The following DCAF8L2 variants were observed in gnomAD, a reference collection of about 807,000 sequenced individuals.
DCAF8L2 encodes the protein DDB1- and CUL4-associated factor 8-like protein 2.
For synonymous variants in DCAF8L2, 200 were observed against 190.9 expected (o/e 1.05, Z -0.39); for missense variants, 430 against 490.7 (o/e 0.88, Z 1.17).
At chrX:27,632,397 G>A (rs752988575) in intron 2 of DCAF8L2, 1 of 111,115 alleles carries the variant, frequency 9.0e-6, no homozygotes, top group South Asian at 3.8e-4. Context: ...CCCTCCAGCA[G>A]CTCCATTTTA....
chrX:27,493,049 T>C, the DCAF8L2 span, among the ~76,000 whole-genome samples: 6 of 110,475 alleles, frequency 5.4e-5, no homozygotes, highest in Non-Finnish European at 9.5e-5. Context: ...CTGGGAAACA[T>C]AGTGAAACCC....
chrX:27,550,030 A>G, the DCAF8L2 span, among the ~76,000 whole-genome samples: 2 of 111,785 alleles, frequency 1.8e-5, no homozygotes, highest in Non-Finnish European at 3.8e-5. Context: ...TTTCTCTCCA[A>G]TGCTGATGCC....
the DCAF8L2 span, among the ~76,000 whole-genome samples, chrX:27,473,650 AT>A: frequency 1.3e-3 from 141 of 106,443 alleles, no homozygotes; most frequent in Middle Eastern, 4.9e-3. Flanking sequence ...TTGGGGTTGC[AT>A]TTTTTTTTTA....
Position 27,626,614 on chromosome X carries a change from T to A in DCAF8L2, c.-341-5265T>A, listed in dbSNP as rs73530633. ...CCTAAAGTATCTAAACAGACTCATG[T>A]TAAAATAATTAATTTGATATGTAAT... On this transcript the variant is annotated intron_variant, in intron 1 of 4. Transcript: ENST00000451261. 7.4e-3 allele frequency among the ~76,000 whole-genome samples: 829 copies of A among 112,290 alleles called. 2 individuals carry two copies. The highest frequency in any genetic ancestry group is 0.025 in the African/African-American group (775 of 30,920).
rs373578221 is a variant in DCAF8L2 at position 27,609,141 on chromosome X, A to G, written c.-342+18701A>G. 8.9e-5 allele frequency among the ~76,000 whole-genome samples: 10 copies of G among 111,914 alleles called. No individual in the cohort carries two copies. The East Asian group carries it at 2.8e-3, about 32-fold the overall frequency. ...ATCCATTATCTTGTATCTTTTTCAC[A>G]AGGGCCTTATCTCTATTTTACAGAT... On this transcript the variant is annotated intron_variant, in intron 1 of 4. Coordinates refer to ENST00000451261, the MANE Select transcript of DCAF8L2 (RefSeq NM_001353450.2).
intron 1 of DCAF8L2, among the ~76,000 whole-genome samples, chrX:27,616,834 C>T (rs1168979063): frequency 3.6e-5 from 4 of 110,978 alleles, no homozygotes; most frequent in Non-Finnish European, 7.6e-5. Context: ...TCTTGTTGCC[C>T]AGAAAGTAGA....
chrX:27,551,089 C>T, the DCAF8L2 span, among the ~76,000 whole-genome samples: 1 of 109,716 alleles, frequency 9.1e-6, no homozygotes, highest in Non-Finnish European at 1.9e-5. Context: ...AACTGCTCCA[C>T]TGACCCCCTG....
At chrX:27,725,694 T>C (rs1317685956) in intron 4 of DCAF8L2, among the ~76,000 whole-genome samples, 1 of 106,474 alleles carries the variant, frequency 9.4e-6, no homozygotes, top group Admixed American at 1.0e-4. Context: ...GAGGATAGTG[T>C]TACAAGTAGA....
chrX:27,747,281 AAGAG>A lies in DCAF8L2; in HGVS notation c.387_390del (p.Glu130ArgfsTer35). The A allele has an allele frequency of 2.9e-6, 3 of 1,036,535 alleles. No homozygotes were observed. Among genetic ancestry groups the A allele is most frequent in the Non-Finnish European group, 3.8e-6 (3 of 791,667 alleles). 85.4% of individuals were successfully genotyped at this position (1,036,535 alleles called of 1,213,427 possible). On this transcript the variant is annotated frameshift_variant, in exon 5 of 5. Transcript: ENST00000451261. LOFTEE classifies it low-confidence loss of function (END_TRUNC). ...CAAGAGGAGGGAGGGGAGGAGGAGGAAGAGGAGGAGGAGGAGGAGGAGGAGGAGG... is the reference window on the plus strand; with the variant it reads ...CAAGAGGAGGGAGGGGAGGAGGAGGAGAGGAGGAGGAGGAGGAGGAGGAGG...
chrX:27,734,518 T>C (rs921991921), intron 4 of DCAF8L2, among the ~76,000 whole-genome samples: 2 of 111,961 alleles, frequency 1.8e-5, no homozygotes, highest in Non-Finnish European at 3.8e-5. Flanking sequence ...AAAGACAGAA[T>C]TTCCAAAACA....
At chrX:27,724,043 C>CACT (rs1184927822) in intron 4 of DCAF8L2, among the ~76,000 whole-genome samples, 3 of 109,888 alleles carry the variant, frequency 2.7e-5, no homozygotes, top group African/African-American at 9.9e-5. Flanking sequence ...TTGTATTAAA[C>CACT]ACTAGGAGGA....
intron 2 of DCAF8L2, among the ~76,000 whole-genome samples, chrX:27,656,606 T>C (rs1017575513): frequency 2.7e-5 from 3 of 112,025 alleles, no homozygotes; most frequent in African/African-American, 9.7e-5. Flanking sequence ...TTTTTCAGTC[T>C]GTGGGAGCTA....
chrX:27,723,979 CT>C (rs767492295), intron 4 of DCAF8L2, among the ~76,000 whole-genome samples: 1 of 109,908 alleles, frequency 9.1e-6, no homozygotes, highest in East Asian at 2.8e-4. Context: ...GGTGTGCTAC[CT>C]TTTTTTTCCT....
At chrX:27,658,296 A>C (rs2147208813) in intron 2 of DCAF8L2, among the ~76,000 whole-genome samples, 1 of 112,163 alleles carries the variant, frequency 8.9e-6, no homozygotes, top group Admixed American at 9.5e-5. Flanking sequence ...GGGCAAAATT[A>C]AATATGATAG....
chrX:27,737,959 C>T (rs1334436208), intron 4 of DCAF8L2, among the ~76,000 whole-genome samples: 1 of 111,491 alleles, frequency 9.0e-6, no homozygotes, highest in Non-Finnish European at 1.9e-5. Context: ...GCAGAAAACA[C>T]GACAAGCCCA....
chrX:27,571,906 C>T, the DCAF8L2 span, among the ~76,000 whole-genome samples: 2 of 111,185 alleles, frequency 1.8e-5, no homozygotes. Flanking sequence ...TCCACACACC[C>T]GCTAAATAAG....
intron 2 of DCAF8L2, among the ~76,000 whole-genome samples, chrX:27,669,472 A>ATTTATTTT (rs1283058126): frequency 9.4e-4 from 102 of 108,639 alleles, no homozygotes; most frequent in African/African-American, 2.9e-3. Flanking sequence ...TTATTTATTT[A>ATTTATTTT]TTTATTTTTT....
intron 2 of DCAF8L2, among the ~76,000 whole-genome samples, chrX:27,634,245 T>C (rs895516333): frequency 1.8e-5 from 2 of 111,880 alleles, no homozygotes; most frequent in African/African-American, 6.5e-5. Context: ...CATAATAAAT[T>C]ACTTGTAAGT....
chrX:27,511,908 C>G, the DCAF8L2 span, among the ~76,000 whole-genome samples: 1 of 111,392 alleles, frequency 9.0e-6, no homozygotes, highest in Non-Finnish European at 1.9e-5. Flanking sequence ...ATTCCATTTA[C>G]AATAGCAACA....
Sources: gnomAD v4.1 joint callset for allele counts (sites outside exome capture counted in the v4.1 genomes callset) on GRCh38, gnomAD v4.1.1 for gene constraint, MANE v1.5 for transcripts, NCBI Gene and HGNC (gene_info 2026-07-23, HGNC 2026-07-21) for gene names.